CR1: variants seen among roughly 807,000 people sequenced by gnomAD.
CR1 encodes complement C3b/C4b receptor 1 (Knops blood group).
Under a neutral mutation model 187.3 loss-of-function variants are expected in CR1, and 116 were observed. That is an observed-to-expected ratio of 0.62 (90% CI 0.53 to 0.72). The LOEUF (loss-of-function observed/expected upper bound fraction) is 0.72. Ranked by LOEUF, CR1 falls within the 30% of genes least tolerant of loss-of-function variation. The pLI is 0.00. For synonymous variants in CR1, 576 were observed against 747.1 expected (o/e 0.77, Z 3.73); for missense variants, 1,731 against 2,110.7 (o/e 0.82, Z 3.52).
At chr1:207,504,402 TTA>T (rs1659365212) in intron 1 of CR1, among the ~76,000 whole-genome samples, 1 of 152,052 alleles carries the variant, frequency 6.6e-6, no homozygotes, top group Non-Finnish European at 1.5e-5. Context: ...ATTTAAATTT[TTA>T]TAATCCTAAT....
rs557487868 is a variant in CR1, at chr1:207,519,838, C to T, written c.488-3773C>T. Among the ~76,000 whole-genome samples, 6 of 152,110 alleles carry T rather than the reference C, an allele frequency of 3.9e-5. No homozygotes were observed. The South Asian group carries it at 6.2e-4, about 16-fold the overall frequency. ...AAACAGCCGATTGGTTATAGCTCAG[C>T]GTTTGCCTTATTTGAAAACAGTTCA... is the stretch of plus-strand genomic sequence containing the variant. On this transcript the variant is annotated intron_variant, in intron 4 of 46. Transcript: ENST00000367049.
chr1:207,630,544 A>G lies in CR1; in HGVS notation c.7380A>G (p.Glu2460=), dbSNP rs1431166985. The change falls in exon 46 of 47, where the codon GAA becomes GAG. Residue 2460 remains glutamate (E), a synonymous_variant. Coordinates refer to ENST00000367049, the MANE Select transcript of CR1 (RefSeq NM_000651.6). ...ATAATGCACATGAAAACCCTAAAGA[A>G]GTGGCTATCCATTTACATTCTCAAG... ...KGNNAHENPK[E]VAIHLHSQGG... is the part of the protein sequence containing the mutation. The G allele has an allele frequency of 1.9e-6, 3 of 1,609,770 alleles. No homozygotes were observed. The African/African-American group carries it at 4.0e-5, about 22-fold the overall frequency.
At chr1:207,632,923 T>A (rs141106962) in intron 46 of CR1, among the ~76,000 whole-genome samples, 1 of 151,408 alleles carries the variant, frequency 6.6e-6, no homozygotes, top group East Asian at 1.9e-4. Context: ...ACTATCAGAG[T>A]GCTATGGGGG....
intron 44 of CR1, among the ~76,000 whole-genome samples, chr1:207,622,223 C>G (rs1662335258): frequency 6.6e-6 from 1 of 152,202 alleles, no homozygotes; most frequent in Non-Finnish European, 1.5e-5. Flanking sequence ...ATCAAAGGCT[C>G]TTTACTATCT....
At chr1:207,498,345 G>A (rs1659154492) in intron 1 of CR1, among the ~76,000 whole-genome samples, 1 of 152,196 alleles carries the variant, frequency 6.6e-6, no homozygotes, top group Admixed American at 6.5e-5. Context: ...AGCACTTAAA[G>A]AGTGAATCTA....
chr1:207,517,914 A>G (rs1659853440), intron 4 of CR1, among the ~76,000 whole-genome samples: 1 of 152,092 alleles, frequency 6.6e-6, no homozygotes, highest in African/African-American at 2.4e-5. Flanking sequence ...CCGGGGCTTT[A>G]TCAATTTTAC....
chr1:207,611,994 A>G lies in CR1; in HGVS notation c.6528A>G (p.Pro2176=). 6.2e-7 allele frequency: 1 copy of G among 1,613,968 alleles called. No individual in the cohort carries two copies. Among genetic ancestry groups the G allele is most frequent in the Middle Eastern group, 1.6e-4 (1 of 6,062 alleles). The change falls in exon 39 of 47, where the codon CCA becomes CCG. Residue 2176 remains proline, a synonymous_variant. Transcript: ENST00000367049. ...TCCCTCATGGCCGTGTGCTACTTCC[A>G]CTTAATCTCCAGCTTGGGGCAAAGG... ...GQLPHGRVLL[P]LNLQLGAKVS... is the part of the protein sequence containing the mutation.
intron 46 of CR1, among the ~76,000 whole-genome samples, chr1:207,639,191 T>C (rs1298135575): frequency 1.3e-5 from 2 of 152,264 alleles, no homozygotes; most frequent in Admixed American, 6.5e-5. Flanking sequence ...CTTTTTTATT[T>C]GAGACTGGGC....
chr1:207,595,966 TATC>T (rs892199951), intron 35 of CR1, among the ~76,000 whole-genome samples: 3 of 150,286 alleles, frequency 2.0e-5, no homozygotes, highest in African/African-American at 7.3e-5. Context: ...ATCATAAACT[TATC>T]ATATGTAGGG....
chr1:207,565,400 G>A (rs1220872456), intron 23 of CR1, among the ~76,000 whole-genome samples: 23 of 150,388 alleles, frequency 1.5e-4, no homozygotes, highest in Non-Finnish European at 2.5e-4. Context: ...GACAATCTCT[G>A]TTCTCTCGCC....
At chr1:207,589,371 G>C (rs772727748) in intron 35 of CR1, among the ~76,000 whole-genome samples, 10 of 152,184 alleles carry the variant, frequency 6.6e-5, no homozygotes, top group Admixed American at 5.2e-4. Context: ...AGAGGGGCCT[G>C]ACTGTTAGAA....
rs554894617 is a variant in CR1 at position 207,612,599 on chromosome 1, G to A, written c.6575+558G>A. 1.6e-4 allele frequency among the ~76,000 whole-genome samples: 24 copies of A among 152,346 alleles called. 1 individual carries two copies. The South Asian group carries it at 4.8e-3, about 30-fold the overall frequency. On this transcript the variant is annotated intron_variant, in intron 39 of 46. Transcript: ENST00000367049. Reference sequence around the variant, plus strand: ...TCTGGACAGCAATGCCCCTGCCCAGGCCTTGCTTGGGCCCAGGCTCACCGC... The same window carrying A: ...TCTGGACAGCAATGCCCCTGCCCAGACCTTGCTTGGGCCCAGGCTCACCGC...
intron 2 of CR1, among the ~76,000 whole-genome samples, chr1:207,506,428 G>A (rs1160030546): frequency 6.6e-6 from 1 of 152,242 alleles, no homozygotes; most frequent in African/African-American, 2.4e-5. Context: ...CTTGGGCTTT[G>A]AGATCTTTGG....
At chr1:207,599,244 ATT>A (rs1436834323) in intron 35 of CR1, among the ~76,000 whole-genome samples, 1 of 152,228 alleles carries the variant, frequency 6.6e-6, no homozygotes, top group Non-Finnish European at 1.5e-5. Context: ...TAAAATAAAT[ATT>A]TAAGCAAAAA....
At chr1:207,597,767 A>G (rs911498995) in intron 35 of CR1, among the ~76,000 whole-genome samples, 30 of 152,332 alleles carry the variant, frequency 2.0e-4, no homozygotes, top group Admixed American at 3.9e-4. Context: ...AGAAATTGAA[A>G]ACAAGGACTG....
At chr1:207,614,315 T>C (rs1161941066) in intron 39 of CR1, 89 bp from the exon 40 acceptor site, 1 of 973,230 alleles carries the variant, frequency 1.0e-6, no homozygotes, top group Non-Finnish European at 1.6e-6. Context: ...GAGGAAATGG[T>C]AGTGAGGAAG....
At chr1:207,625,080 C>G (rs1190373514) in intron 45 of CR1, among the ~76,000 whole-genome samples, 2 of 152,142 alleles carry the variant, frequency 1.3e-5, no homozygotes, top group Non-Finnish European at 2.9e-5. Context: ...TTTGTTTCAC[C>G]TACATAATTT....
In CR1 at chr1:207,618,125, C is replaced by T; in HGVS notation, c.6944C>T (p.Ser2315Phe). Reference protein sequence around the residue: ...QNGHYIGGHVSLYLPGMTISY... With the variant: ...QNGHYIGGHVFLYLPGMTISY... ...GGGCATTACATTGGAGGACACGTAT[C>T]TCTATATCTTCCTGGGATGACAATC... is the stretch of plus-strand genomic sequence containing the variant. The change falls in exon 42 of 47, where the codon TCT (serine) becomes TTT (phenylalanine). Residue 2315 changes from serine (S) to phenylalanine (F), a missense_variant. By Grantham distance (155) the Ser-to-Phe change is radical. Around this residue, in one of 5 missense-constraint regions of CR1, gnomAD observed 1,312 missense variants for 1,379.6 expected, o/e 0.95. Transcript: ENST00000367049. 6.2e-7 allele frequency: 1 copy of T among 1,613,986 alleles called. No homozygotes were observed. Among genetic ancestry groups the T allele is most frequent in the South Asian group, 1.1e-5 (1 of 91,074 alleles).
intron 4 of CR1, among the ~76,000 whole-genome samples, chr1:207,520,968 G>GTTTTTTTTTTTTTTTTTTTTTTTT (rs141546660): frequency 1.1e-4 from 5 of 44,570 alleles, no homozygotes; most frequent in Non-Finnish European, 1.5e-4. Context: ...TTTTTTGGTT[G>GTTTTTTTTTTTTTTTTTTTTTTTT]TTTTTTTTTT....
Sources: gnomAD v4.1 joint callset for allele counts (sites outside exome capture counted in the v4.1 genomes callset) on GRCh38, gnomAD v4.1.1 for gene constraint, gnomAD v4.1.1 regional missense constraint, MANE v1.5 for transcripts, NCBI Gene and HGNC (gene_info 2026-07-23, HGNC 2026-07-21) for gene names.